GLRA2: variants seen among roughly 807,000 people sequenced by gnomAD.
GLRA2 encodes the protein glycine receptor subunit alpha-2.
GLRA2 carries 11 observed loss-of-function variants against 31.6 expected under a neutral mutation model. That is an observed-to-expected ratio of 0.35 (90% CI 0.22 to 0.58). GLRA2 has a LOEUF of 0.58. Among genes scored for constraint, GLRA2 ranks in the 20% least tolerant of loss-of-function variants. The pLI is 0.84. For synonymous variants in GLRA2, 132 were observed against 134.0 expected, an observed-to-expected ratio of 0.99 and a Z score of 0.10; for missense variants, 212 against 351.8, an observed-to-expected ratio of 0.60 and a Z score of 3.18.
intron 7 of GLRA2, among the ~76,000 whole-genome samples, chrX:14,619,567 C>T (rs2090492551): frequency 1.3e-5 from 1 of 79,705 alleles, no homozygotes; most frequent in African/African-American, 3.6e-5. Flanking sequence ...AGCCACTTGA[C>T]TACCTTCTCT....
At chrX:14,492,577 A>G in the GLRA2 span, among the ~76,000 whole-genome samples, 1 of 112,030 alleles carries the variant, frequency 8.9e-6, no homozygotes, top group Non-Finnish European at 1.9e-5. Context: ...TAATTACCAG[A>G]ATAGCTTATT....
chrX:14,552,274 G>C lies in GLRA2; in HGVS notation c.202+19902G>C, dbSNP rs940999759. On this transcript the variant is annotated intron_variant, in intron 2 of 8. Transcript: ENST00000218075. Reference sequence around the variant, plus strand: ...TTAGAAGTTCTGAATAAGGGGAATTGATAATGGCCGAAGTGTAAGGAAGAG... The same window carrying C: ...TTAGAAGTTCTGAATAAGGGGAATTCATAATGGCCGAAGTGTAAGGAAGAG... Among the ~76,000 whole-genome samples, 6 of 112,061 alleles carry C rather than the reference G, an allele frequency of 5.4e-5. No homozygotes were observed. In the Admixed American group the frequency reaches 5.7e-4, roughly 11 times the overall value.
intron 7 of GLRA2, among the ~76,000 whole-genome samples, chrX:14,620,527 G>A (rs1363431079): frequency 9.0e-6 from 1 of 110,881 alleles, no homozygotes; most frequent in Non-Finnish European, 1.9e-5. Context: ...TGTCATTAAA[G>A]ACTATCTGTG....
intron 2 of GLRA2, among the ~76,000 whole-genome samples, chrX:14,565,060 T>C (rs2089785346): frequency 9.1e-6 from 1 of 109,702 alleles, no homozygotes; most frequent in Non-Finnish European, 1.9e-5. Context: ...AGAGGAAATG[T>C]AGGACATAAA....
At chrX:14,524,389 ATC>A (rs1479503309), upstream of GLRA2, among the ~76,000 whole-genome samples, 2 of 111,850 alleles carry the variant, frequency 1.8e-5, no homozygotes, top group African/African-American at 6.5e-5. Context: ...TTTGAGACAA[ATC>A]TCTCATAAAA....
At chrX:14,557,643 G>A (rs976734555) in intron 2 of GLRA2, among the ~76,000 whole-genome samples, 11 of 111,304 alleles carry the variant, frequency 9.9e-5, no homozygotes, top group African/African-American at 2.9e-4. Flanking sequence ...TTATAATTTA[G>A]TGGTTATCAA....
At chrX:14,467,236 G>A in the GLRA2 span, among the ~76,000 whole-genome samples, 1 of 111,959 alleles carries the variant, frequency 8.9e-6, no homozygotes, top group South Asian at 3.7e-4. Flanking sequence ...GTTCAGAAGG[G>A]GTTAGCAAAT....
Position 14,530,091 on chromosome X carries a change from T to G in GLRA2, c.34T>G (p.Leu12Val). ...NRQLVNILTA[L>V]FAFFLETNHF... ...GCAGCTAGTGAACATTTTGACAGCC[T>G]TGTTTGCATTTTTCTTAGAGACAAA... The change falls in exon 1 of 9, where the codon TTG becomes GTG. Residue 12 changes from leucine (L) to valine (V), a missense_variant. Transcript: ENST00000218075. 8.3e-7 allele frequency: 1 copy of G among 1,200,883 alleles called. No homozygotes were observed. The highest frequency in any genetic ancestry group is 1.1e-6 in the Non-Finnish European group (1 of 885,509).
the GLRA2 span, among the ~76,000 whole-genome samples, chrX:14,492,169 T>A: frequency 1.8e-5 from 2 of 110,314 alleles, no homozygotes; most frequent in Non-Finnish European, 3.8e-5. Context: ...GTAAAGTGGA[T>A]TTTCAATTAA....
At chrX:14,595,610 T>C (rs962138997) in intron 4 of GLRA2, among the ~76,000 whole-genome samples, 4 of 111,674 alleles carry the variant, frequency 3.6e-5, no homozygotes, top group Admixed American at 9.5e-5. Flanking sequence ...CTCATGTGGG[T>C]ACCTCAGGTT....
intron 7 of GLRA2, among the ~76,000 whole-genome samples, chrX:14,629,890 T>C (rs1362274032): frequency 8.9e-6 from 1 of 112,001 alleles, no homozygotes. Context: ...TTTTGTACAA[T>C]TGTTGTCATA....
intron 7 of GLRA2, among the ~76,000 whole-genome samples, chrX:14,679,886 T>TG (rs2091181776): frequency 8.9e-6 from 1 of 111,947 alleles, no homozygotes; most frequent in Admixed American, 9.5e-5. Context: ...CAGTAGACCA[T>TG]GGGATTCTTA....
At chrX:14,681,910 A>AAAAATATATATATATATAT (rs758563376) in intron 7 of GLRA2, among the ~76,000 whole-genome samples, 1 of 41,294 alleles carries the variant, frequency 2.4e-5, no homozygotes, top group African/African-American at 1.2e-4. Context: ...AAAAAAAAAA[A>AAAAATATATATATATATAT]ATATATATAT....
chrX:14,467,973 A>C, the GLRA2 span, among the ~76,000 whole-genome samples: 41 of 111,858 alleles, frequency 3.7e-4, no homozygotes, highest in African/African-American at 1.1e-3. Context: ...TGGACTATTC[A>C]GGTCTGTTCA....
intron 3 of GLRA2, 167 bp downstream of exon 3, chrX:14,574,567 G>A (rs2089927812): frequency 2.6e-6 from 3 of 1,143,891 alleles, no homozygotes; most frequent in Non-Finnish European, 3.6e-6. Context: ...ATGGTGAGTG[G>A]GACTGAGCAT....
At chrX:14,555,391 G>T (rs1394895424) in intron 2 of GLRA2, among the ~76,000 whole-genome samples, 2 of 111,688 alleles carry the variant, frequency 1.8e-5, no homozygotes, top group African/African-American at 6.5e-5. Flanking sequence ...CCTACATAGG[G>T]TCATACAAAT....
intron 8 of GLRA2, among the ~76,000 whole-genome samples, chrX:14,717,059 C>T (rs1159601991): frequency 9.0e-6 from 1 of 111,302 alleles, no homozygotes; most frequent in Non-Finnish European, 1.9e-5. Flanking sequence ...TCTGACGTGT[C>T]CAAAGTTTAG....
the GLRA2 span, among the ~76,000 whole-genome samples, chrX:14,521,827 C>T: frequency 8.9e-6 from 1 of 111,962 alleles, no homozygotes; most frequent in Non-Finnish European, 1.9e-5. Context: ...AAAAATAATG[C>T]ACATACCTTA....
rs1275781026 is a variant in GLRA2, at chrX:14,730,421, T to G, written c.1295T>G (p.Ile432Ser). 9.1e-6 allele frequency: 11 copies of G among 1,203,389 alleles called. No individual in the cohort carries two copies. The highest frequency in any genetic ancestry group is 1.2e-5 in the Non-Finnish European group (11 of 890,204). The change falls in exon 9 of 9, where the codon ATT becomes AGT. Residue 432 changes from isoleucine (I) to serine (S), a missense_variant. Ile to Ser is a moderately radical substitution (Grantham distance 142). Coordinates refer to ENST00000218075, the MANE Select transcript of GLRA2 (RefSeq NM_002063.4). ...SRAAFPLAFL[I>S]FNIFYWITYK... is the part of the protein sequence containing the mutation. ...GCTGCCTTCCCATTGGCCTTCCTCA[T>G]TTTCAACATCTTTTACTGGATCACA...
Sources: gnomAD v4.1 joint callset for allele counts (sites outside exome capture counted in the v4.1 genomes callset) on GRCh38, gnomAD v4.1.1 for gene constraint, MANE v1.5 for transcripts, NCBI Gene and HGNC (gene_info 2026-07-23, HGNC 2026-07-21) for gene names.